SSBP2: variants seen among roughly 807,000 people sequenced by gnomAD.
The protein encoded by SSBP2 is single stranded DNA binding protein 2.
A neutral mutation model predicts 61.8 loss-of-function variants in SSBP2; 17 were observed. That is an observed-to-expected ratio of 0.28 (90% CI 0.19 to 0.41). The LOEUF is 0.41. SSBP2 is among the 10% of genes least tolerant of loss of function. The pLI is 1.00. For synonymous variants in SSBP2, 139 were observed against 141.3 expected, an observed-to-expected ratio of 0.98 and a Z score of 0.12; for missense variants, 310 against 458.7, an observed-to-expected ratio of 0.68 and a Z score of 2.96.
At chr5:81,632,135 C>T (rs1231445839) in intron 3 of SSBP2, among the ~76,000 whole-genome samples, 1 of 152,194 alleles carries the variant, frequency 6.6e-6, no homozygotes, top group African/African-American at 2.4e-5. Flanking sequence ...ACATGCAACA[C>T]TATGTCCTGC....
chr5:81,646,604 C>T (rs1172029453), intron 2 of SSBP2, among the ~76,000 whole-genome samples: 1 of 134,346 alleles, frequency 7.4e-6, no homozygotes, highest in Non-Finnish European at 1.6e-5. Context: ...TAAAATATTA[C>T]ATTCTCCTTT....
intron 4 of SSBP2, among the ~76,000 whole-genome samples, chr5:81,614,282 C>T (rs554603208): frequency 2.1e-5 from 3 of 139,644 alleles, no homozygotes; most frequent in Admixed American, 1.7e-4. Context: ...ATGGCGTGAA[C>T]CCGGGAGGCG....
chr5:81,700,871 T>C (rs1481847372), intron 1 of SSBP2, among the ~76,000 whole-genome samples: 1 of 152,266 alleles, frequency 6.6e-6, no homozygotes, highest in Admixed American at 6.5e-5. Flanking sequence ...GATTTGGCTT[T>C]GGTTTAAGGG....
intron 1 of SSBP2, among the ~76,000 whole-genome samples, chr5:81,741,566 T>A (rs1020436775): frequency 1.3e-5 from 2 of 152,230 alleles, no homozygotes; most frequent in African/African-American, 4.8e-5. Context: ...TTTTCCTCCC[T>A]TGTTAGAGAG....
At chr5:81,559,733 T>C (rs978081061) in intron 4 of SSBP2, among the ~76,000 whole-genome samples, 1 of 152,052 alleles carries the variant, frequency 6.6e-6, no homozygotes, top group African/African-American at 2.4e-5. Context: ...ACAGTAATAA[T>C]TTGGTCTTGT....
rs1349452893 is a variant in SSBP2 at position 81,414,963 on chromosome 5, T to C, written c.*5541A>G. 6.6e-6 allele frequency: 1 copy of C among 152,212 alleles called. No individual in the cohort carries two copies. Among genetic ancestry groups the C allele is most frequent in the Non-Finnish European group, 1.5e-5 (1 of 68,038 alleles). 9.4% of individuals were successfully genotyped at this position (152,212 alleles called of 1,614,324 possible). The stretch of plus-strand genomic sequence containing the variant: ...ACAGGTACACGCAACATATTTAGTA[T>C]GCAAAATGGAAGTATTATTAATAGT... On this transcript the variant is annotated 3_prime_UTR_variant, in exon 17 of 17. Coordinates refer to ENST00000320672, the MANE Select transcript of SSBP2 (RefSeq NM_012446.5).
chr5:81,730,899 T>C (rs765485725), intron 1 of SSBP2, among the ~76,000 whole-genome samples: 7 of 151,648 alleles, frequency 4.6e-5, no homozygotes, highest in Non-Finnish European at 8.8e-5. Context: ...AATAAGCAAA[T>C]GAAAAGAAAA....
At chr5:81,461,366 T>C (rs771553217) in intron 9 of SSBP2, among the ~76,000 whole-genome samples, 9 of 152,084 alleles carry the variant, frequency 5.9e-5, no homozygotes, top group Non-Finnish European at 1.0e-4. Context: ...ATAAAGATGG[T>C]AACTGCTCAT....
At chr5:81,581,629 G>A (rs1211159904) in intron 4 of SSBP2, among the ~76,000 whole-genome samples, 1 of 152,082 alleles carries the variant, frequency 6.6e-6, no homozygotes, top group African/African-American at 2.4e-5. Flanking sequence ...ATTAAGCATA[G>A]TACAATGATT....
intron 4 of SSBP2, among the ~76,000 whole-genome samples, chr5:81,539,852 G>A (rs779364371): frequency 8.6e-5 from 13 of 152,026 alleles, no homozygotes; most frequent in Non-Finnish European, 1.5e-4. Flanking sequence ...CCGTCAACCC[G>A]TCATCTACAT....
chr5:81,437,636 T>C, intron 14 of SSBP2, 178 bp from the exon 15 acceptor site: 1 of 434,270 alleles, frequency 2.3e-6, no homozygotes, highest in Non-Finnish European at 4.1e-6. Flanking sequence ...CAGTACCATC[T>C]GATGGAAAAT....
chr5:81,536,751 G>A (rs1302520662), intron 4 of SSBP2, among the ~76,000 whole-genome samples: 1 of 152,122 alleles, frequency 6.6e-6, no homozygotes, highest in African/African-American at 2.4e-5. Flanking sequence ...AACAGTATGT[G>A]TTGCTATATC....
At chr5:81,502,188 C>T (rs920062334) in intron 5 of SSBP2, among the ~76,000 whole-genome samples, 2 of 152,176 alleles carry the variant, frequency 1.3e-5, no homozygotes, top group African/African-American at 4.8e-5. Flanking sequence ...AACAAGGCCA[C>T]TAATGACTTC....
intron 4 of SSBP2, among the ~76,000 whole-genome samples, chr5:81,546,756 GA>G (rs1295785339): frequency 3.3e-5 from 5 of 151,828 alleles, no homozygotes; most frequent in Non-Finnish European, 7.4e-5. Context: ...GGCTACTGGA[GA>G]ACAGAAAAGT....
chr5:81,583,491 A>G (rs555572108), intron 4 of SSBP2, among the ~76,000 whole-genome samples: 20 of 152,116 alleles, frequency 1.3e-4, no homozygotes, highest in East Asian at 7.8e-4. Flanking sequence ...TTAGCTGGGC[A>G]TGGTGGCAGG....
rs750255065 is a variant in SSBP2 at position 81,636,633 on chromosome 5, A to G, written c.136-15T>C. 1.3e-6 allele frequency: 2 copies of G among 1,593,250 alleles called. No individual in the cohort carries two copies. Among genetic ancestry groups the G allele is most frequent in the Non-Finnish European group, 1.7e-6 (2 of 1,163,814 alleles). On this transcript the variant is annotated splice_polypyrimidine_tract_variant and intron_variant, in intron 2 of 16. Transcript: ENST00000320672. ...TCCCATCTTATCTAAAATGAATAAA[A>G]GAGATATTACTTTCCTAATAATACT...
At chr5:81,609,323 C>T (rs1244557187) in intron 4 of SSBP2, among the ~76,000 whole-genome samples, 1 of 152,186 alleles carries the variant, frequency 6.6e-6, no homozygotes, top group African/African-American at 2.4e-5. Context: ...TCCAGTTTCT[C>T]TGATACACCT....
intron 1 of SSBP2, among the ~76,000 whole-genome samples, chr5:81,743,430 CTATTT>C: frequency 6.6e-6 from 1 of 152,142 alleles, no homozygotes; most frequent in East Asian, 1.9e-4. Context: ...CTACATCACA[CTATTT>C]TATTATTTTT....
chr5:81,747,403 G>T (rs190374480), intron 1 of SSBP2, among the ~76,000 whole-genome samples: 58 of 151,468 alleles, frequency 3.8e-4, no homozygotes, highest in African/African-American at 1.4e-3. Flanking sequence ...TTCTTTAATG[G>T]AGGAAAAAAA....
Sources: allele counts gnomAD v4.1 joint callset (sites outside exome capture counted in the v4.1 genomes callset), GRCh38; gene constraint gnomAD v4.1.1; transcripts MANE v1.5; gene names NCBI Gene and HGNC (gene_info 2026-07-23, HGNC 2026-07-21).